The following ZNF385D variants were observed in gnomAD, a reference collection of about 807,000 sequenced individuals.
ZNF385D encodes the protein zinc finger protein 385D.
ZNF385D carries 15 observed loss-of-function variants against 35.8 expected under a neutral mutation model. The ratio of observed to expected loss-of-function variants is 0.42; its 90% CI spans 0.28 to 0.64. The LOEUF is 0.64. Ranked by LOEUF, ZNF385D falls within the 30% of genes least tolerant of loss-of-function variation. The probability of loss-of-function intolerance (pLI) is 0.23; values close to 1 mark genes in which losing one functional copy is unlikely to be tolerated. For synonymous variants in ZNF385D, 212 were observed against 186.8 expected (o/e 1.13, Z -1.10); for missense variants, 474 against 494.6 (o/e 0.96, Z 0.39).
At chr3:22,030,285 A>ATATATATATATATC (rs1697895652) in intron 3 of ZNF385D, among the ~76,000 whole-genome samples, 1 of 86,744 alleles carries the variant, frequency 1.2e-5, no homozygotes, top group Non-Finnish European at 2.1e-5. Flanking sequence ...ATATATATAT[A>ATATATATATATATC]TATATATATA....
Position 21,510,994 on chromosome 3 carries a change from C to A in ZNF385D, c.306G>T (p.Thr102=). 3 of 1,614,030 alleles carry A rather than the reference C, an allele frequency of 1.9e-6. No homozygotes were observed. Among genetic ancestry groups the A allele is most frequent in the Non-Finnish European group, 2.5e-6 (3 of 1,179,992 alleles). ...GTGCTTTGAGCTTCTTGGCATGTTT[C>A]GTGCCTTTGTAGTGGGCCGCAGCCT... ...DSQAAAHYKG[T]KHAKKLKALE... The change falls in exon 4 of 8, where the codon ACG becomes ACT. Residue 102 remains threonine (T), a synonymous_variant. Coordinates refer to ENST00000281523, the MANE Select transcript of ZNF385D (RefSeq NM_024697.3).
chr3:22,142,485 G>A (rs540205742), intron 3 of ZNF385D, among the ~76,000 whole-genome samples: 1 of 152,212 alleles, frequency 6.6e-6, no homozygotes, highest in East Asian at 1.9e-4. Flanking sequence ...ATGAACAAAA[G>A]CAGCTATAAA....
chr3:21,818,468 A>G (rs2073252539), intron 3 of ZNF385D, among the ~76,000 whole-genome samples: 1 of 152,206 alleles, frequency 6.6e-6, no homozygotes, highest in African/African-American at 2.4e-5. Flanking sequence ...TTATTAGATG[A>G]TATTAAGAAA....
At chr3:21,702,125 T>A (rs1194751374) in intron 1 of ZNF385D, among the ~76,000 whole-genome samples, 1 of 152,240 alleles carries the variant, frequency 6.6e-6, no homozygotes, top group East Asian at 1.9e-4. Context: ...CCTTCTGTAC[T>A]GCCCTAGCAG....
chr3:21,717,311 G>A (rs2068361481), intron 1 of ZNF385D, among the ~76,000 whole-genome samples: 1 of 152,166 alleles, frequency 6.6e-6, no homozygotes, highest in Non-Finnish European at 1.5e-5. Context: ...TCAAAGAGGA[G>A]CAGAAAAGGT....
intron 2 of ZNF385D, among the ~76,000 whole-genome samples, chr3:22,248,727 C>T (rs1559478073): frequency 6.6e-6 from 1 of 152,076 alleles, no homozygotes; most frequent in Non-Finnish European, 1.5e-5. Flanking sequence ...ATTTTTTTAC[C>T]AAACCTCCCA....
At chr3:21,997,115 T>C (rs1414472897) in intron 3 of ZNF385D, among the ~76,000 whole-genome samples, 1 of 152,112 alleles carries the variant, frequency 6.6e-6, no homozygotes, top group Non-Finnish European at 1.5e-5. Flanking sequence ...CCATCAATGA[T>C]AGACTGGATT....
intron 2 of ZNF385D, among the ~76,000 whole-genome samples, chr3:22,253,621 AT>A (rs1576569315): frequency 6.6e-6 from 1 of 151,888 alleles, no homozygotes; most frequent in African/African-American, 2.4e-5. Flanking sequence ...CCTGGCATTG[AT>A]TTTTTTCAGG....
chr3:22,140,017 T>C lies in ZNF385D; in HGVS notation c.325+28800A>G, dbSNP rs181246623. On this transcript the variant is annotated intron_variant, in intron 3 of 5. Coordinates refer to the ZNF385D transcript ENST00000494108. ...TATTGTTACTGGAAATATACAATGGTACAGCCACTTTGGATTCATTGTGGC... is the reference window on the plus strand; with the variant it reads ...TATTGTTACTGGAAATATACAATGGCACAGCCACTTTGGATTCATTGTGGC... Among the ~76,000 whole-genome samples, 733 of 152,328 alleles carry C rather than the reference T, an allele frequency of 4.8e-3. 5 individuals are homozygous for C. The highest frequency in any genetic ancestry group is 0.015 in the African/African-American group (633 of 41,592).
At chr3:22,083,540 TA>T in intron 3 of ZNF385D, among the ~76,000 whole-genome samples, 1 of 151,234 alleles carries the variant, frequency 6.6e-6, no homozygotes, top group East Asian at 1.9e-4. Context: ...GAAAAAAGAG[TA>T]AAAATAAATG....
chr3:21,427,015 G>T lies in ZNF385D; in HGVS notation c.674-1345C>A, dbSNP rs572071918. ...AGAGAAAGGAAAAAGTCAATATCTC[G>T]CAGGAAGATAGGACGAATTGAAACG... On this transcript the variant is annotated intron_variant, in intron 5 of 7. Coordinates refer to ENST00000281523, the MANE Select transcript of ZNF385D (RefSeq NM_024697.3). Among the ~76,000 whole-genome samples, 12 of 152,116 alleles carry T rather than the reference G, an allele frequency of 7.9e-5. No homozygotes were observed. In the South Asian group the frequency reaches 8.3e-4, roughly 11 times the overall value.
chr3:21,643,087 A>G (rs994433127), intron 2 of ZNF385D, among the ~76,000 whole-genome samples: 3 of 152,178 alleles, frequency 2.0e-5, no homozygotes, highest in African/African-American at 7.2e-5. Flanking sequence ...TTTATAGTAT[A>G]TCTATTTTAT....
At chr3:22,205,649 A>G (rs971661848) in intron 2 of ZNF385D, among the ~76,000 whole-genome samples, 2 of 152,018 alleles carry the variant, frequency 1.3e-5, no homozygotes, top group African/African-American at 2.4e-5. Context: ...CTTTGCTTGT[A>G]TGTTTGTTTA....
At chr3:22,198,131 G>C (rs1260200175) in intron 2 of ZNF385D, among the ~76,000 whole-genome samples, 1 of 152,066 alleles carries the variant, frequency 6.6e-6, no homozygotes, top group Non-Finnish European at 1.5e-5. Context: ...CAGAAACTGT[G>C]TATACAGTAA....
intron 2 of ZNF385D, among the ~76,000 whole-genome samples, chr3:22,307,766 T>A (rs62247269): frequency 6.6e-6 from 1 of 151,812 alleles, no homozygotes; most frequent in Admixed American, 6.6e-5. Context: ...AAAAAAACTT[T>A]CTTTCTTAGG....
intron 2 of ZNF385D, among the ~76,000 whole-genome samples, chr3:22,185,152 T>C (rs1042878561): frequency 6.6e-6 from 1 of 152,110 alleles, no homozygotes; most frequent in Non-Finnish European, 1.5e-5. Flanking sequence ...ATTCCAGTGA[T>C]AAAAACTGAA....
At chr3:21,808,520 A>G (rs1304543000) in intron 3 of ZNF385D, among the ~76,000 whole-genome samples, 4 of 152,200 alleles carry the variant, frequency 2.6e-5, no homozygotes, top group African/African-American at 9.6e-5. Flanking sequence ...GAGACTGGGA[A>G]GAAAAAGAAC....
intron 2 of ZNF385D, among the ~76,000 whole-genome samples, chr3:21,573,931 G>A (rs569447608): frequency 1.9e-4 from 29 of 151,862 alleles, no homozygotes; most frequent in Admixed American, 1.6e-3. Context: ...GTGGTGGCGG[G>A]CGCTTGTAAT....
intron 2 of ZNF385D, among the ~76,000 whole-genome samples, chr3:22,329,901 TATC>T (rs1359356675): frequency 1.3e-5 from 2 of 152,232 alleles, no homozygotes; most frequent in African/African-American, 4.8e-5. Flanking sequence ...GTTTTACACT[TATC>T]GCACATCTCA....
Sources: allele counts gnomAD v4.1 joint callset (sites outside exome capture counted in the v4.1 genomes callset), GRCh38; gene constraint gnomAD v4.1.1; transcripts MANE v1.5; gene names NCBI Gene and HGNC (gene_info 2026-07-23, HGNC 2026-07-21).